EYS: variants seen among roughly 807,000 people sequenced by gnomAD.
The protein encoded by EYS is protein eyes shut homolog.
EYS carries 250 observed loss-of-function variants against 282.1 expected under a neutral mutation model. The ratio of observed to expected loss-of-function variants is 0.89; its 90% CI spans 0.80 to 0.98. The LOEUF is 0.98. EYS is among the 50% of genes least tolerant of loss of function. The pLI is 0.00. For missense variants in EYS, 4,016 were observed against 3,709.0 expected (o/e 1.08, Z -2.15); for synonymous variants, 1,355 against 1,282.9 (o/e 1.06, Z -1.20).
At chr6:64,431,577 G>T (rs9362824) in intron 28 of EYS, among the ~76,000 whole-genome samples, 1 of 151,866 alleles carries the variant, frequency 6.6e-6, no homozygotes, top group East Asian at 1.9e-4. Flanking sequence ...GGTACTGTAG[G>T]TTAGCCTACC....
intron 29 of EYS, among the ~76,000 whole-genome samples, chr6:64,338,379 A>G (rs1770943474): frequency 6.6e-6 from 1 of 151,482 alleles, no homozygotes; most frequent in African/African-American, 2.4e-5. Flanking sequence ...CCCTTTTACA[A>G]CAGCTGCAGA....
At chr6:65,049,541 T>C (rs1338250418) in intron 13 of EYS, among the ~76,000 whole-genome samples, 2 of 151,726 alleles carry the variant, frequency 1.3e-5, no homozygotes, top group African/African-American at 4.8e-5. Flanking sequence ...AGTTTAAAAG[T>C]TGAGGACAGA....
In EYS at chr6:64,256,856, G is replaced by A. The variant is rs115888216; in HGVS notation, c.6192-26032C>T. ...AGGCAGAGAGATCAAGATAATGAGA[G>A]CTATGCAAATAGTTACATCACGGAT... On this transcript the variant is annotated intron_variant, in intron 30 of 42. Coordinates refer to ENST00000503581, the MANE Select transcript of EYS (RefSeq NM_001142800.2). 2.6e-3 allele frequency among the ~76,000 whole-genome samples: 394 copies of A among 152,080 alleles called. 1 individual carries two copies. Among genetic ancestry groups the A allele is most frequent in the African/African-American group, 9.1e-3 (376 of 41,518 alleles).
At chr6:63,872,362 A>ATG (rs1397620773) in intron 35 of EYS, among the ~76,000 whole-genome samples, 1 of 150,346 alleles carries the variant, frequency 6.7e-6, no homozygotes, top group South Asian at 2.1e-4. Flanking sequence ...GTAAGTGTGC[A>ATG]TGTGTGTGTG....
chr6:64,203,543 A>G (rs189265920), intron 31 of EYS, among the ~76,000 whole-genome samples: 1 of 152,154 alleles, frequency 6.6e-6, no homozygotes, highest in Non-Finnish European at 1.5e-5. Context: ...AATGTAGCTC[A>G]TGCATGCATG....
At chr6:63,739,490 C>A (rs1007096097) in intron 41 of EYS, among the ~76,000 whole-genome samples, 3 of 152,120 alleles carry the variant, frequency 2.0e-5, no homozygotes, top group Non-Finnish European at 4.4e-5. Context: ...GGTGGTGTAA[C>A]CTTGGACAAG....
At chr6:64,785,855 G>A (rs6901220) in intron 22 of EYS, among the ~76,000 whole-genome samples, 69,344 of 152,012 alleles carry the variant, frequency 0.46, 18,768 homozygotes, top group Admixed American at 0.62. Context: ...AGGGAAAACT[G>A]TCAAGAATAG....
intron 22 of EYS, among the ~76,000 whole-genome samples, chr6:64,691,682 T>C (rs1383485198): frequency 2.6e-5 from 4 of 152,148 alleles, no homozygotes; most frequent in Non-Finnish European, 4.4e-5. Context: ...CTACAGTGTT[T>C]ATTATTCTCA....
At chr6:64,621,309 A>T (rs1189617383) in intron 23 of EYS, among the ~76,000 whole-genome samples, 1 of 152,154 alleles carries the variant, frequency 6.6e-6, no homozygotes, top group East Asian at 1.9e-4. Context: ...TTTTATTTTC[A>T]TTTCATTTTC....
chr6:64,675,867 A>G (rs1236253632), intron 22 of EYS, among the ~76,000 whole-genome samples: 1 of 151,446 alleles, frequency 6.6e-6, no homozygotes, highest in East Asian at 2.0e-4. Context: ...ACTATTTGTA[A>G]AAGGGAATAA....
At chr6:64,222,770 T>C (rs1766140688) in intron 31 of EYS, among the ~76,000 whole-genome samples, 1 of 152,014 alleles carries the variant, frequency 6.6e-6, no homozygotes, top group South Asian at 2.1e-4. Flanking sequence ...AAAATAGCCA[T>C]ATTTAGCATT....
chr6:64,849,782 C>T (rs939536887), intron 19 of EYS, among the ~76,000 whole-genome samples: 2 of 151,748 alleles, frequency 1.3e-5, no homozygotes, highest in African/African-American at 4.8e-5. Context: ...ACCTGTGTAC[C>T]TTCTCATGTA....
chr6:65,197,916 A>G (rs946932833), intron 12 of EYS, among the ~76,000 whole-genome samples: 1 of 152,074 alleles, frequency 6.6e-6, no homozygotes, highest in Admixed American at 6.6e-5. Context: ...TTTAGGCTAC[A>G]TTAATTTTTT....
intron 12 of EYS, among the ~76,000 whole-genome samples, chr6:65,237,412 T>C (rs768614578): frequency 6.6e-6 from 1 of 152,198 alleles, no homozygotes; most frequent in Non-Finnish European, 1.5e-5. Context: ...TCATTATAAC[T>C]GAATGCAGAT....
chr6:64,034,338 C>T (rs1770009612), intron 33 of EYS, among the ~76,000 whole-genome samples: 1 of 152,128 alleles, frequency 6.6e-6, no homozygotes, highest in Non-Finnish European at 1.5e-5. Context: ...ATATGTACTA[C>T]ATATATTAGC....
intron 2 of EYS, among the ~76,000 whole-genome samples, chr6:65,545,173 T>A (rs1459245840): frequency 1.3e-5 from 2 of 151,780 alleles, no homozygotes; most frequent in African/African-American, 2.4e-5. Flanking sequence ...AAAAATTGCC[T>A]CAGCTTCCCA....
intron 12 of EYS, among the ~76,000 whole-genome samples, chr6:65,283,611 T>G (rs944931530): frequency 6.6e-6 from 1 of 152,066 alleles, no homozygotes; most frequent in African/African-American, 2.4e-5. Context: ...ACTATGCCAA[T>G]AGTAAAATAG....
At chr6:64,537,051 C>A (rs1764538619) in intron 26 of EYS, among the ~76,000 whole-genome samples, 1 of 151,070 alleles carries the variant, frequency 6.6e-6, no homozygotes, top group Non-Finnish European at 1.5e-5. Context: ...TACATGTGCA[C>A]AATGTGCAGG....
intron 30 of EYS, among the ~76,000 whole-genome samples, chr6:64,273,655 A>G (rs1319568810): frequency 2.6e-5 from 4 of 152,050 alleles, no homozygotes; most frequent in Non-Finnish European, 5.9e-5. Flanking sequence ...AAATACTAAT[A>G]GTCTCACAGA....
Sources: allele counts gnomAD v4.1 joint callset (sites outside exome capture counted in the v4.1 genomes callset), GRCh38; gene constraint gnomAD v4.1.1; transcripts MANE v1.5; gene names NCBI Gene and HGNC (gene_info 2026-07-23, HGNC 2026-07-21).